ZNF451: variants seen among roughly 807,000 people sequenced by gnomAD.
ZNF451 encodes the protein E3 SUMO-protein ligase ZNF451.
Under a neutral mutation model 107.1 loss-of-function variants are expected in ZNF451, and 80 were observed. The observed-to-expected ratio is 0.75, with a 90% CI of 0.62 to 0.90. The LOEUF (loss-of-function observed/expected upper bound fraction) is 0.90. Among genes scored for constraint, ZNF451 ranks in the 40% least tolerant of loss-of-function variants. The pLI is 0.00. For missense variants in ZNF451, 1,107 were observed against 1,236.2 expected, an observed-to-expected ratio of 0.90 and a Z score of 1.57; for synonymous variants, 362 against 406.5, an observed-to-expected ratio of 0.89 and a Z score of 1.32.
At chr6:57,127,269 A>C (rs755516088) in intron 4 of ZNF451, among the ~76,000 whole-genome samples, 4 of 152,208 alleles carry the variant, frequency 2.6e-5, no homozygotes, top group Non-Finnish European at 4.4e-5. Context: ...TTAGGGCTTT[A>C]GTAGTCCTAC....
In ZNF451 at chr6:57,134,678, C is replaced by T. The variant is rs79161174; in HGVS notation, c.576-66C>T. The T allele has an allele frequency of 1.5e-3, 2,166 of 1,461,458 alleles. 27 individuals carry two copies. In the African/African-American group the frequency reaches 0.026, roughly 18 times the overall value. 90.5% of individuals were successfully genotyped at this position (1,461,458 alleles called of 1,614,324 possible). On this transcript the variant is annotated intron_variant, in intron 6 of 14. Transcript: ENST00000370706. The stretch of plus-strand genomic sequence containing the variant: ...TATGTGTTTAGCTTCACAAATGAAG[C>T]GACATAGTTGTTTCCCTAGAATGTA...
chr6:57,090,231 C>T lies in ZNF451; in HGVS notation c.-23C>T, dbSNP rs1320390350. 2 of 1,608,810 alleles carry T rather than the reference C, an allele frequency of 1.2e-6. No homozygotes were observed. Among genetic ancestry groups the T allele is most frequent in the East Asian group, 4.5e-5 (2 of 44,662 alleles). On this transcript the variant is annotated 5_prime_UTR_variant, in exon 1 of 15. Coordinates refer to ENST00000370706, the MANE Select transcript of ZNF451 (RefSeq NM_001031623.3). ...GGCAGGGACAGCAGGAGCAGTGGTG[C>T]TGTCAGCGCGGCCGTCGGAGACATG...
chr6:57,149,079 G>T (rs1382912102), intron 10 of ZNF451, among the ~76,000 whole-genome samples: 1 of 151,848 alleles, frequency 6.6e-6, no homozygotes, highest in Admixed American at 6.6e-5. Flanking sequence ...AATTCTTTTT[G>T]TTTCTATTTG....
In ZNF451 at chr6:57,113,316, C is replaced by CT. The variant is rs558400280; in HGVS notation, c.187-11405dup. ...TTCCTGCAGAGGACATGATGTCATT[C>CT]TTTTTTTTTTTTTGGCCGTATAGTA... is the stretch of plus-strand genomic sequence containing the variant. On this transcript the variant is annotated intron_variant, in intron 3 of 14. Transcript: ENST00000370706. Among the ~76,000 whole-genome samples the CT allele has an allele frequency of 1.6e-3, 233 of 141,566 alleles. 2 individuals are homozygous for CT. Among genetic ancestry groups the CT allele is most frequent in the East Asian group, 8.1e-3 (40 of 4,914 alleles). The allele number at this position is 141,566 out of a possible 152,430, so 92.9% of individuals were successfully genotyped here.
chr6:57,135,221 A>G (rs151009291), intron 7 of ZNF451, among the ~76,000 whole-genome samples: 1 of 152,318 alleles, frequency 6.6e-6, no homozygotes. Flanking sequence ...TGTTGGCGCC[A>G]TATAGTAAAT....
intron 2 of ZNF451, among the ~76,000 whole-genome samples, chr6:57,093,735 T>G (rs1829158030): frequency 6.6e-6 from 1 of 152,240 alleles, no homozygotes; most frequent in African/African-American, 2.4e-5. Context: ...AAGGGCATTT[T>G]GAGTAGAAGA....
In ZNF451 at chr6:57,153,953, G is replaced by C. The variant is rs769390785; in HGVS notation, c.2976G>C (p.Lys992Asn). The change falls in exon 13 of 15, where the codon AAG becomes AAC. Residue 992 changes from lysine (K) to asparagine (N), a missense_variant. Around this residue, in one of 5 missense-constraint regions of ZNF451, gnomAD observed 151 missense variants for 173.3 expected, o/e 0.87. Coordinates refer to ENST00000370706, the MANE Select transcript of ZNF451 (RefSeq NM_001031623.3). ...TTCTGGAGCTAGAGAATCAATTTAA[G>C]AAGACTCAGAGGCCAGCTCATATAC... ...QGFLELENQF[K>N]KTQRPAHILN... 2 of 1,614,168 alleles carry C rather than the reference G, an allele frequency of 1.2e-6. No homozygotes were observed. Among genetic ancestry groups the C allele is most frequent in the Non-Finnish European group, 1.7e-6 (2 of 1,180,026 alleles).
chr6:57,105,608 TTAAC>T (rs1829815909), intron 3 of ZNF451: 1 of 985,312 alleles, frequency 1.0e-6, no homozygotes, highest in African/African-American at 1.7e-5. Context: ...TCCCCCTTAT[TTAAC>T]TAACTAGACA....
intron 3 of ZNF451, chr6:57,108,553 C>G (rs1829975219): frequency 2.0e-6 from 2 of 985,076 alleles, no homozygotes; most frequent in Non-Finnish European, 2.4e-6. Flanking sequence ...CATCTAACTA[C>G]TGTTAGGTAT....
chr6:57,106,119 CT>C (rs1172380039), intron 3 of ZNF451: 15 of 985,170 alleles, frequency 1.5e-5, no homozygotes, highest in African/African-American at 1.7e-5. Flanking sequence ...CTCTCAGGTA[CT>C]GTAAACAAGG....
chr6:57,162,732 T>C (rs1317008597), intron 14 of ZNF451, among the ~76,000 whole-genome samples: 1 of 152,234 alleles, frequency 6.6e-6, no homozygotes, highest in Non-Finnish European at 1.5e-5. Context: ...ATTATAACTT[T>C]TAAATAATTA....
intron 13 of ZNF451, among the ~76,000 whole-genome samples, chr6:57,159,735 G>A (rs2127986969): frequency 6.6e-6 from 1 of 152,094 alleles, no homozygotes; most frequent in Non-Finnish European, 1.5e-5. Flanking sequence ...AATATTTGAA[G>A]TATTTTGCTG....
chr6:57,155,192 A>C (rs1394130455), intron 13 of ZNF451, among the ~76,000 whole-genome samples: 1 of 152,174 alleles, frequency 6.6e-6, no homozygotes, highest in Non-Finnish European at 1.5e-5. Context: ...AAACAAAAAA[A>C]CAAAAAAAAC....
chr6:57,164,650 A>G (rs950901784), intron 14 of ZNF451, among the ~76,000 whole-genome samples: 16 of 152,224 alleles, frequency 1.1e-4, no homozygotes, highest in African/African-American at 2.7e-4. Flanking sequence ...GAGTCAGACT[A>G]TTCTCTTCAT....
At chr6:57,106,814 A>G (rs1473152346) in intron 3 of ZNF451, 1 of 984,976 alleles carries the variant, frequency 1.0e-6, no homozygotes, top group Non-Finnish European at 1.2e-6. Context: ...AGATACACAA[A>G]CCAGTCTTTA....
chr6:57,149,041 T>A (rs1331942997), intron 10 of ZNF451, among the ~76,000 whole-genome samples: 3 of 152,212 alleles, frequency 2.0e-5, no homozygotes, highest in Non-Finnish European at 4.4e-5. Context: ...TTGTAATATT[T>A]GGGTTAACTA....
intron 9 of ZNF451, among the ~76,000 whole-genome samples, chr6:57,143,090 G>A (rs368033216): frequency 2.0e-4 from 31 of 151,926 alleles, no homozygotes; most frequent in African/African-American, 5.6e-4. Flanking sequence ...TGTCAGATTC[G>A]TATCTAGAAT....
chr6:57,138,273 T>C (rs1219058475), intron 7 of ZNF451, among the ~76,000 whole-genome samples: 1 of 151,878 alleles, frequency 6.6e-6, no homozygotes, highest in Non-Finnish European at 1.5e-5. Flanking sequence ...TGCCTTTTTT[T>C]TTTTTTTAAG....
chr6:57,125,927 C>G (rs985468576), intron 4 of ZNF451, among the ~76,000 whole-genome samples: 2 of 152,052 alleles, frequency 1.3e-5, no homozygotes, highest in Non-Finnish European at 2.9e-5. Context: ...TTCCCCACCC[C>G]CCTAGAACTA....
Sources: allele counts gnomAD v4.1 joint callset (sites outside exome capture counted in the v4.1 genomes callset), GRCh38; gene constraint gnomAD v4.1.1; regional missense constraint gnomAD v4.1.1; transcripts MANE v1.5; gene names NCBI Gene and HGNC (gene_info 2026-07-23, HGNC 2026-07-21).